The following CEP112 variants were observed in gnomAD, a reference collection of about 807,000 sequenced individuals.
CEP112 encodes the protein centrosomal protein 112.
CEP112 carries 127 observed loss-of-function variants against 153.0 expected under a neutral mutation model. The observed-to-expected ratio is 0.83, with a 90% confidence interval of 0.72 to 0.96. The LOEUF (loss-of-function observed/expected upper bound fraction) is 0.96. Among genes scored for constraint, CEP112 ranks in the 40% least tolerant of loss-of-function variants. CEP112 has a pLI of 0.00. For synonymous variants in CEP112, 358 were observed against 374.4 expected (o/e 0.96, Z 0.51); for missense variants, 1,089 against 1,101.2 (o/e 0.99, Z 0.16).
intron 21 of CEP112, among the ~76,000 whole-genome samples, chr17:65,754,248 A>C (rs1309373015): frequency 2.0e-5 from 3 of 152,246 alleles, no homozygotes; most frequent in African/African-American, 7.2e-5. Flanking sequence ...CTAGGGAAAC[A>C]GCATTCCAGG....
intron 20 of CEP112, among the ~76,000 whole-genome samples, chr17:65,865,030 G>GT (rs58830530): frequency 6.6e-6 from 1 of 151,214 alleles, no homozygotes; most frequent in Non-Finnish European, 1.5e-5. Flanking sequence ...AGGAAAGACT[G>GT]TTTTTTTGTG....
chr17:65,637,923 G>A lies in CEP112; in HGVS notation c.2800-735C>T, dbSNP rs142186517. 6.4e-3 allele frequency among the ~76,000 whole-genome samples: 977 copies of A among 152,350 alleles called. 6 individuals carry two copies. The highest frequency in any genetic ancestry group is 0.01 in the Non-Finnish European group (714 of 68,036). ...CCATTCTAGGGATTCCCTGAGGTTG[G>A]AGAGACAGAACTTCATAGCGGAAAG... On this transcript the variant is annotated intron_variant, in intron 25 of 26. Coordinates refer to ENST00000535342, the MANE Select transcript of CEP112 (RefSeq NM_001199165.4).
chr17:66,088,491 G>A (rs761932995), intron 8 of CEP112, among the ~76,000 whole-genome samples: 7 of 151,628 alleles, frequency 4.6e-5, no homozygotes, highest in Non-Finnish European at 8.8e-5. Context: ...TGGCCCATGT[G>A]AATATAGGCT....
At chr17:66,072,566 T>C (rs139876816) in intron 8 of CEP112, among the ~76,000 whole-genome samples, 1 of 152,332 alleles carries the variant, frequency 6.6e-6, no homozygotes, top group East Asian at 1.9e-4. Flanking sequence ...TTATGAGATT[T>C]TGGCAAGAAT....
At chr17:66,027,453 C>A (rs1172062701) in intron 16 of CEP112, 48 bp downstream of exon 16, 1 of 1,303,868 alleles carries the variant, frequency 7.7e-7, no homozygotes, top group Admixed American at 3.1e-5. Context: ...TGCATTAATG[C>A]CTCATTTGCT....
chr17:65,823,460 G>A (rs2056690211), intron 21 of CEP112, among the ~76,000 whole-genome samples: 1 of 152,112 alleles, frequency 6.6e-6, no homozygotes, highest in African/African-American at 2.4e-5. Context: ...AAACAATACA[G>A]AAACAATTGA....
At chr17:65,936,282 T>G (rs1181615111) in intron 18 of CEP112, among the ~76,000 whole-genome samples, 1 of 151,906 alleles carries the variant, frequency 6.6e-6, no homozygotes, top group African/African-American at 2.4e-5. Flanking sequence ...CAGGACATGA[T>G]GAAAAAGAGA....
At chr17:65,679,965 A>G (rs1222738365) in intron 24 of CEP112, among the ~76,000 whole-genome samples, 3 of 152,252 alleles carry the variant, frequency 2.0e-5, no homozygotes, top group Admixed American at 6.5e-5. Context: ...TTTATTCTTT[A>G]AAAACCCAGA....
chr17:66,186,480 G>C (rs552938656), intron 1 of CEP112, among the ~76,000 whole-genome samples: 2 of 151,926 alleles, frequency 1.3e-5, no homozygotes, highest in Non-Finnish European at 2.9e-5. Flanking sequence ...TAGTAGAGAC[G>C]GCGTTTCACC....
chr17:66,055,875 G>A (rs1251782881), intron 11 of CEP112, among the ~76,000 whole-genome samples: 1 of 152,152 alleles, frequency 6.6e-6, no homozygotes. Context: ...CTAACCAGAG[G>A]TGATTAAAAT....
chr17:65,700,138 C>A (rs1051890715), intron 23 of CEP112, among the ~76,000 whole-genome samples: 1 of 151,960 alleles, frequency 6.6e-6, no homozygotes, highest in African/African-American at 2.4e-5. Flanking sequence ...CTCTCACTTG[C>A]GGATATTTCC....
chr17:65,776,428 T>C (rs899414392), intron 21 of CEP112, among the ~76,000 whole-genome samples: 3 of 152,100 alleles, frequency 2.0e-5, no homozygotes, highest in Non-Finnish European at 4.4e-5. Flanking sequence ...TAGAGATGGA[T>C]GTTAGCCCGG....
chr17:66,192,007 C>G lies in CEP112; in HGVS notation c.-19G>C, dbSNP rs1378408218. ...GAAAAAAACGAGAACCTGGCACCAC[C>G]ACACGCAAGCTTTCCGCTCGGCCGC... On this transcript the variant is annotated 5_prime_UTR_variant, in exon 1 of 27. Transcript: ENST00000535342. The G allele has an allele frequency of 1.3e-5, 2 of 153,984 alleles. No individual in the cohort carries two copies. Among genetic ancestry groups the G allele is most frequent in the African/African-American group, 4.8e-5 (2 of 41,416 alleles). The allele number at this position is 153,984 out of a possible 1,614,324, so 9.5% of individuals were successfully genotyped here.
chr17:65,794,456 C>T (rs1326046395), intron 21 of CEP112, among the ~76,000 whole-genome samples: 1 of 151,944 alleles, frequency 6.6e-6, no homozygotes, highest in Non-Finnish European at 1.5e-5. Flanking sequence ...TAGTCTGTGC[C>T]TACAATTTCT....
chr17:65,699,813 T>C (rs891657808), intron 23 of CEP112, among the ~76,000 whole-genome samples: 91 of 152,174 alleles, frequency 6.0e-4, no homozygotes, highest in African/African-American at 2.1e-3. Context: ...GCCACATTTC[T>C]CAAGTGTTTG....
intron 18 of CEP112, among the ~76,000 whole-genome samples, chr17:65,957,238 T>A (rs1443298): frequency 0.023 from 3,521 of 152,226 alleles, 72 homozygotes; most frequent in Non-Finnish European, 0.029. Flanking sequence ...AAAGTAAACG[T>A]AAAAAAATAA....
chr17:66,066,178 G>A (rs1285488167), intron 10 of CEP112, among the ~76,000 whole-genome samples: 2 of 152,142 alleles, frequency 1.3e-5, no homozygotes, highest in Admixed American at 1.3e-4. Context: ...ACTACGGTCA[G>A]AGTTAGCTCA....
intron 4 of CEP112, among the ~76,000 whole-genome samples, chr17:66,157,679 G>A (rs912696235): frequency 2.5e-4 from 36 of 143,914 alleles, no homozygotes; most frequent in African/African-American, 9.0e-4. Context: ...AAGAGATGGA[G>A]GAATATTTAC....
intron 17 of CEP112, among the ~76,000 whole-genome samples, chr17:66,003,928 C>T (rs1320877757): frequency 1.3e-5 from 2 of 152,056 alleles, no homozygotes; most frequent in African/African-American, 2.4e-5. Context: ...TCCATGAAAC[C>T]GGTCCCTGGT....
Sources: allele counts gnomAD v4.1 joint callset (sites outside exome capture counted in the v4.1 genomes callset), GRCh38; gene constraint gnomAD v4.1.1; transcripts MANE v1.5; gene names NCBI Gene and HGNC (gene_info 2026-07-23, HGNC 2026-07-21).